DOK6: variants seen among roughly 807,000 people sequenced by gnomAD.
DOK6 encodes the protein downstream of tyrosine kinase 6.
DOK6 carries 22 observed loss-of-function variants against 44.0 expected under a neutral mutation model. That is an observed-to-expected ratio of 0.50 (90% CI 0.36 to 0.71). The LOEUF (loss-of-function observed/expected upper bound fraction) is 0.71, where lower values mean the gene tolerates loss of function less well. Among genes scored for constraint, DOK6 ranks in the 30% least tolerant of loss-of-function variants. The pLI is 0.00. For synonymous variants in DOK6, 166 were observed against 145.5 expected, an observed-to-expected ratio of 1.14 and a Z score of -1.01; for missense variants, 340 against 416.4, an observed-to-expected ratio of 0.82 and a Z score of 1.60.
intron 1 of DOK6, among the ~76,000 whole-genome samples, chr18:69,449,142 C>G (rs1251600501): frequency 6.6e-6 from 1 of 152,176 alleles, no homozygotes; most frequent in Non-Finnish European, 1.5e-5. Flanking sequence ...TCTTTAATTA[C>G]TAGTTTTTGT....
chr18:69,664,990 A>G (rs755449880), intron 3 of DOK6, among the ~76,000 whole-genome samples: 1 of 152,098 alleles, frequency 6.6e-6, no homozygotes, highest in Non-Finnish European at 1.5e-5. Context: ...CAGCCTGGTC[A>G]ATATGGTGAA....
chr18:69,703,474 G>A (rs912066733), intron 5 of DOK6, among the ~76,000 whole-genome samples: 1 of 152,166 alleles, frequency 6.6e-6, no homozygotes, highest in South Asian at 2.1e-4. Context: ...TATAGGAATT[G>A]TAATAAAATA....
At chr18:69,433,876 T>G (rs950750575) in intron 1 of DOK6, among the ~76,000 whole-genome samples, 1 of 152,182 alleles carries the variant, frequency 6.6e-6, no homozygotes, top group African/African-American at 2.4e-5. Context: ...TACATTCCTA[T>G]GTACTTTTTC....
At chr18:69,592,652 T>C (rs1424988917) in intron 2 of DOK6, among the ~76,000 whole-genome samples, 2 of 152,298 alleles carry the variant, frequency 1.3e-5, no homozygotes, top group East Asian at 3.9e-4. Flanking sequence ...AAGTAATTTT[T>C]CCTTCAATTC....
chr18:69,467,788 C>T (rs1464068057), intron 1 of DOK6, among the ~76,000 whole-genome samples: 2 of 152,116 alleles, frequency 1.3e-5, no homozygotes, highest in East Asian at 3.9e-4. Context: ...TTTCCTGTAT[C>T]ATTTATTACT....
rs1004519383 is a variant in DOK6 at position 69,846,806 on chromosome 18, A to G, written c.*5423A>G. On this transcript the variant is annotated 3_prime_UTR_variant, in exon 8 of 8. Coordinates refer to ENST00000382713, the MANE Select transcript of DOK6 (RefSeq NM_152721.6). ...ACTTTGTTGCATAATTGATAACATC[A>G]GGGCTACATTTTTTTCATGTGAGCC... The G allele has an allele frequency of 6.6e-6, 1 of 152,188 alleles. No homozygotes were observed. The highest frequency in any genetic ancestry group is 1.9e-4 in the East Asian group (1 of 5,198). The allele number at this position is 152,188 out of a possible 1,614,324, so 9.4% of individuals were successfully genotyped here.
chr18:69,788,218 C>T (rs1361793814), intron 7 of DOK6, among the ~76,000 whole-genome samples: 1 of 152,134 alleles, frequency 6.6e-6, no homozygotes, highest in Non-Finnish European at 1.5e-5. Context: ...ACTCAGTGCC[C>T]TAAAGTTCTC....
At chr18:69,749,940 CA>C (rs554880939) in intron 6 of DOK6, among the ~76,000 whole-genome samples, 3,148 of 104,874 alleles carry the variant, frequency 0.03, 76 homozygotes, top group African/African-American at 0.087. Context: ...GAGACTCCAT[CA>C]AAAAAAAAAA....
chr18:69,629,917 T>C (rs1984651681), intron 3 of DOK6, among the ~76,000 whole-genome samples: 2 of 151,996 alleles, frequency 1.3e-5, no homozygotes, highest in African/African-American at 2.4e-5. Context: ...CAGCCTCCCA[T>C]GTATCTGGGA....
chr18:69,808,130 T>C (rs1981109671), intron 7 of DOK6, among the ~76,000 whole-genome samples: 2 of 151,742 alleles, frequency 1.3e-5, no homozygotes, highest in Admixed American at 1.3e-4. Flanking sequence ...TATAAATTAA[T>C]AACAAGAGGA....
rs145892960 is a variant in DOK6 at position 69,556,000 on chromosome 18, G to A, written c.67-8487G>A. ...TTCAGAAGAGTTTACACATTCTGCT[G>A]AATTAACCTCTGATCATTGCAAAGT... On this transcript the variant is annotated intron_variant, in intron 1 of 7. Transcript: ENST00000382713. 4.1e-3 allele frequency among the ~76,000 whole-genome samples: 624 copies of A among 152,260 alleles called. 6 individuals carry two copies. The highest frequency in any genetic ancestry group is 0.014 in the African/African-American group (601 of 41,554).
intron 1 of DOK6, among the ~76,000 whole-genome samples, chr18:69,460,534 G>T (rs1979759235): frequency 6.6e-6 from 1 of 152,182 alleles, no homozygotes; most frequent in Non-Finnish European, 1.5e-5. Context: ...ATTTGTACAT[G>T]AATATATTAA....
intron 4 of DOK6, among the ~76,000 whole-genome samples, chr18:69,696,045 G>GC (rs1986382792): frequency 6.6e-6 from 1 of 152,034 alleles, no homozygotes; most frequent in Admixed American, 6.6e-5. Context: ...TTTTTAAATG[G>GC]GCCTTGATGA....
intron 3 of DOK6, among the ~76,000 whole-genome samples, chr18:69,648,680 G>A (rs1309555374): frequency 1.3e-5 from 2 of 152,208 alleles, no homozygotes; most frequent in African/African-American, 4.8e-5. Flanking sequence ...GGACTCAGCA[G>A]TTCTGAGCAC....
intron 1 of DOK6, among the ~76,000 whole-genome samples, chr18:69,440,455 T>C (rs1484172819): frequency 6.6e-6 from 1 of 152,160 alleles, no homozygotes; most frequent in Non-Finnish European, 1.5e-5. Flanking sequence ...ACAATAAATT[T>C]AAGTACAATG....
intron 1 of DOK6, among the ~76,000 whole-genome samples, chr18:69,514,190 T>A (rs2144558911): frequency 6.6e-6 from 1 of 152,104 alleles, no homozygotes; most frequent in African/African-American, 2.4e-5. Flanking sequence ...TCCAAGTACT[T>A]TTTACTGATC....
At chr18:69,771,611 A>G (rs1025234835) in intron 7 of DOK6, among the ~76,000 whole-genome samples, 1 of 151,940 alleles carries the variant, frequency 6.6e-6, no homozygotes, top group African/African-American at 2.4e-5. Context: ...GATGTATCTC[A>G]TTTACAGAGC....
Position 69,599,371 on chromosome 18 carries a change from T to C in DOK6, c.175-13T>C, listed in dbSNP as rs1239206844. The C allele has an allele frequency of 6.3e-7, 1 of 1,596,122 alleles. No individual in the cohort carries two copies. Among genetic ancestry groups the C allele is most frequent in the Admixed American group, 1.7e-5 (1 of 58,474 alleles). On this transcript the variant is annotated splice_polypyrimidine_tract_variant and intron_variant, in intron 2 of 7. Transcript: ENST00000382713. ...ATACTGTACACTAAGTTAAATATAT[T>C]TTTTCTTTCAAGGTAACTGAACTGC...
At chr18:69,494,347 A>G (rs1166810437) in intron 1 of DOK6, among the ~76,000 whole-genome samples, 1 of 152,132 alleles carries the variant, frequency 6.6e-6, no homozygotes, top group African/African-American at 2.4e-5. Context: ...GTGATAGCAC[A>G]CACCTGTAAT....
Sources: gnomAD v4.1 joint callset for allele counts (sites outside exome capture counted in the v4.1 genomes callset) on GRCh38, gnomAD v4.1.1 for gene constraint, MANE v1.5 for transcripts, NCBI Gene and HGNC (gene_info 2026-07-23, HGNC 2026-07-21) for gene names.